WASL: variants seen among roughly 807,000 people sequenced by gnomAD.
WASL encodes WASP like actin nucleation promoting factor, also known as actin nucleation-promoting factor WASL.
A neutral mutation model predicts 55.5 loss-of-function variants in WASL; 20 were observed. That is an observed-to-expected ratio of 0.36 (90% confidence interval 0.25 to 0.52). WASL has a LOEUF of 0.52. Ranked by LOEUF, WASL falls within the 20% of genes least tolerant of loss-of-function variation. The pLI is 0.92. For synonymous variants in WASL, 249 were observed against 217.6 expected (o/e 1.14, Z -1.27); for missense variants, 504 against 622.5 (o/e 0.81, Z 2.03).
chr7:123,722,904 A>G (rs987142111), intron 1 of WASL, among the ~76,000 whole-genome samples: 30 of 152,202 alleles, frequency 2.0e-4, no homozygotes, highest in Admixed American at 1.8e-3. Context: ...GGAGCCCTGA[A>G]TGCTAACTGG....
At chr7:123,704,494 C>T in intron 5 of WASL, 140 bp downstream of exon 5, 1 of 581,512 alleles carries the variant, frequency 1.7e-6, no homozygotes, top group Non-Finnish European at 2.9e-6. Flanking sequence ...CTAAACATTA[C>T]TTACTAATGT....
At chr7:123,689,621 A>G (rs1803360794) in intron 9 of WASL, among the ~76,000 whole-genome samples, 1 of 152,174 alleles carries the variant, frequency 6.6e-6, no homozygotes, top group South Asian at 2.1e-4. Context: ...TCAGCTTTAC[A>G]CCTTTATGTT....
chr7:123,748,495 C>G, intron 1 of WASL, 123 bp downstream of exon 1: 1 of 967,866 alleles, frequency 1.0e-6, no homozygotes, highest in Non-Finnish European at 1.5e-6. Flanking sequence ...GGGCCGGGGC[C>G]GGGGCTGGCG....
rs186071875 is a variant in WASL at position 123,734,297 on chromosome 7, T to A, written c.117+14321A>T. 6.4e-3 allele frequency among the ~76,000 whole-genome samples: 966 copies of A among 152,084 alleles called. 7 individuals carry two copies. Among genetic ancestry groups the A allele is most frequent in the Middle Eastern group, 0.014 (4 of 294 alleles). The stretch of plus-strand genomic sequence containing the variant: ...ACTCTTAAAGCTCATCAATAAGACA[T>A]AAACACACCCAATAAAAAATCTGAC... On this transcript the variant is annotated intron_variant, in intron 1 of 10. Transcript: ENST00000223023.
At chr7:123,684,609 T>C (rs757349596) in intron 10 of WASL, 29 bp from the exon 11 acceptor site, 3 of 1,490,800 alleles carry the variant, frequency 2.0e-6, no homozygotes, top group African/African-American at 1.4e-5. Context: ...AATTAAAACA[T>C]ATGCATAAAT....
rs899692725 is a variant in WASL at position 123,748,797 on chromosome 7, TC to T, written c.-64del. On this transcript the variant is annotated 5_prime_UTR_variant, in exon 1 of 11. Transcript: ENST00000223023. ...CTCCGGCGAGTGGGCGAGAGCTCGT[TC>T]CCCCTCTCGGTGACAGGGGCGGGGA... 36 of 1,352,236 alleles carry T rather than the reference TC, an allele frequency of 2.7e-5. No individual in the cohort carries two copies. The highest frequency in any genetic ancestry group is 7.3e-5 in the Admixed American group (3 of 41,084). The allele number at this position is 1,352,236 out of a possible 1,614,324, so 83.8% of individuals were successfully genotyped here.
chr7:123,704,939 C>G (rs931633448), intron 4 of WASL, among the ~76,000 whole-genome samples: 2 of 152,114 alleles, frequency 1.3e-5, no homozygotes, highest in African/African-American at 4.8e-5. Flanking sequence ...AAGTCAGGGA[C>G]TAGATCATGT....
chr7:123,695,707 C>A, intron 7 of WASL, 116 bp downstream of exon 7: 1 of 977,862 alleles, frequency 1.0e-6, no homozygotes, highest in South Asian at 1.6e-5. Context: ...ATACATAAAA[C>A]ACAAGCACAT....
At chr7:123,693,124 T>A (rs1273711180) in intron 8 of WASL, among the ~76,000 whole-genome samples, 1 of 152,156 alleles carries the variant, frequency 6.6e-6, no homozygotes, top group Non-Finnish European at 1.5e-5. Flanking sequence ...TTTTTTGGAA[T>A]TAGTACCAGT....
chr7:123,737,011 T>C (rs192121045), intron 1 of WASL, among the ~76,000 whole-genome samples: 2 of 152,158 alleles, frequency 1.3e-5, no homozygotes, highest in East Asian at 1.9e-4. Flanking sequence ...AATAAACAAA[T>C]GAAAGAAATA....
At chr7:123,725,778 C>T (rs1409273102) in intron 1 of WASL, among the ~76,000 whole-genome samples, 3 of 152,032 alleles carry the variant, frequency 2.0e-5, no homozygotes, top group Non-Finnish European at 4.4e-5. Flanking sequence ...TACTGCAGAC[C>T]CCATGCTGTG....
At chr7:123,709,357 T>C in intron 1 of WASL, 134 bp from the exon 2 acceptor site, 1 of 618,336 alleles carries the variant, frequency 1.6e-6, no homozygotes, top group African/African-American at 1.9e-5. Context: ...AAGGAAATAA[T>C]AAACATGTAT....
At chr7:123,726,522 T>A (rs1280683265) in intron 1 of WASL, among the ~76,000 whole-genome samples, 1 of 151,982 alleles carries the variant, frequency 6.6e-6, no homozygotes, top group Non-Finnish European at 1.5e-5. Flanking sequence ...AAAAAAAAGA[T>A]ACATTAGCCT....
At chr7:123,733,703 A>G (rs1193479917) in intron 1 of WASL, among the ~76,000 whole-genome samples, 2 of 152,134 alleles carry the variant, frequency 1.3e-5, no homozygotes, top group African/African-American at 4.8e-5. Context: ...GACTGACACT[A>G]CCTGTCTTCA....
intron 1 of WASL, among the ~76,000 whole-genome samples, chr7:123,728,767 C>T (rs376921357): frequency 9.9e-5 from 15 of 151,922 alleles, no homozygotes; most frequent in African/African-American, 2.7e-4. Context: ...ACGTGGGTGG[C>T]GGAGTTTGCA....
At chr7:123,693,736 C>T (rs1392021708) in intron 8 of WASL, among the ~76,000 whole-genome samples, 2 of 152,156 alleles carry the variant, frequency 1.3e-5, no homozygotes, top group African/African-American at 2.4e-5. Flanking sequence ...GAGGCCAAAG[C>T]GGGAGGATCA....
chr7:123,742,953 ATAGT>A (rs1389820982), intron 1 of WASL, among the ~76,000 whole-genome samples: 1 of 152,212 alleles, frequency 6.6e-6, no homozygotes, highest in African/African-American at 2.4e-5. Context: ...GGAATCTAGA[ATAGT>A]TAAACTGATT....
intron 5 of WASL, 32 bp downstream of exon 5, chr7:123,704,602 C>A: frequency 6.7e-7 from 1 of 1,494,928 alleles, no homozygotes; most frequent in Non-Finnish European, 9.2e-7. Context: ...CATCTAAAAT[C>A]TTAAAAGATT....
Position 123,692,394 on chromosome 7 carries a change from G to A in WASL, c.1300C>T (p.Arg434Ter), listed in dbSNP as rs1366437790. 6.2e-7 allele frequency: 1 copy of A among 1,613,018 alleles called. No homozygotes were observed. The highest frequency in any genetic ancestry group is 2.2e-5 in the East Asian group (1 of 44,848). ...CGTATCTGGTCTAACAGTGCATCTC[G>A]TCCAGAGCAGGACACTGGCCGACTG... ...QNSRPVSCSG[R>*]DALLDQIRQG... Residue 434 changes from arginine (R) to a stop codon, truncating the protein, a stop_gained, in exon 9 of 11, where the codon CGA becomes TGA. Coordinates refer to ENST00000223023, the MANE Select transcript of WASL (RefSeq NM_003941.4). LOFTEE classifies it high-confidence loss of function.
Sources: allele counts gnomAD v4.1 joint callset (sites outside exome capture counted in the v4.1 genomes callset), GRCh38; gene constraint gnomAD v4.1.1; transcripts MANE v1.5; gene names NCBI Gene and HGNC (gene_info 2026-07-23, HGNC 2026-07-21).